Variants in ATP10B observed in about 807,000 individuals in gnomAD.
ATP10B encodes the protein phospholipid-transporting ATPase VB.
Under a neutral mutation model 141.2 loss-of-function variants are expected in ATP10B, and 122 were observed. That is an observed-to-expected ratio of 0.86 (90% CI 0.75 to 1.00). The LOEUF (loss-of-function observed/expected upper bound fraction) is 1.00. ATP10B is among the 50% of genes least tolerant of loss of function. The probability of loss-of-function intolerance (pLI) is 0.00; values close to 1 mark genes in which losing one functional copy is unlikely to be tolerated. For missense variants in ATP10B, 1,876 were observed against 1,825.3 expected (o/e 1.03, Z -0.51); for synonymous variants, 685 against 692.0 (o/e 0.99, Z 0.16).
the ATP10B span, among the ~76,000 whole-genome samples, chr5:160,920,480 T>A: frequency 6.6e-6 from 1 of 152,388 alleles, no homozygotes; most frequent in East Asian, 1.9e-4. Flanking sequence ...ATGGTCATTC[T>A]GGGCAGCGCT....
intron 1 of ATP10B, among the ~76,000 whole-genome samples, chr5:160,831,110 GC>G (rs898404601): frequency 3.1e-4 from 4 of 12,854 alleles, no homozygotes; most frequent in Non-Finnish European, 2.0e-3. Flanking sequence ...CTTTCAACAC[GC>G]TTTTTTTTTT....
At chr5:160,659,069 G>A (rs777327155) in intron 7 of ATP10B, among the ~76,000 whole-genome samples, 10 of 152,146 alleles carry the variant, frequency 6.6e-5, no homozygotes, top group Non-Finnish European at 1.0e-4. Context: ...ATGTAAATAC[G>A]TTGTCTTGGG....
chr5:160,607,073 G>C lies in ATP10B; in HGVS notation c.2852C>G (p.Ser951Cys). 6.2e-7 allele frequency: 1 copy of C among 1,612,196 alleles called. No homozygotes were observed. The highest frequency in any genetic ancestry group is 8.5e-7 in the Non-Finnish European group (1 of 1,178,494). Reference protein sequence around the residue: ...INTENQETCESILNCALEELK... With the variant: ...INTENQETCECILNCALEELK... ...CTCTTCCAATGCACAATTGAGGATG[G>C]ATTCACAGGTCTCCTATAAAGAAGC... Residue 951 changes from serine to cysteine, a missense_variant, in exon 19 of 26, where the codon TCC becomes TGC. Physicochemically the swap from Ser to Cys is moderately radical, Grantham distance 112 (BLOSUM62 -1). Transcript: ENST00000327245.
chr5:160,775,746 T>TCTCGGCTCGCTGCAAG (rs1476146242), intron 2 of ATP10B, among the ~76,000 whole-genome samples: 1 of 148,448 alleles, frequency 6.7e-6, no homozygotes, highest in African/African-American at 2.5e-5. Flanking sequence ...AGTGGCGCGA[T>TCTCGGCTCGCTGCAAG]CTCGGCTCGC....
chr5:160,594,341 G>C (rs1412139992), intron 22 of ATP10B, among the ~76,000 whole-genome samples: 1 of 152,148 alleles, frequency 6.6e-6, no homozygotes, highest in Non-Finnish European at 1.5e-5. Context: ...CAAATGCTGA[G>C]AGATTTTGTC....
intron 1 of ATP10B, among the ~76,000 whole-genome samples, chr5:160,819,536 T>C: frequency 6.6e-6 from 1 of 152,182 alleles, no homozygotes; most frequent in East Asian, 1.9e-4. Flanking sequence ...CAGCATATTA[T>C]AACAGTGTAA....
the ATP10B span, among the ~76,000 whole-genome samples, chr5:160,892,917 G>A: frequency 6.6e-6 from 1 of 152,182 alleles, no homozygotes; most frequent in African/African-American, 2.4e-5. Context: ...AGGGTGAGAT[G>A]TCATGTAACC....
At chr5:160,680,278 A>C (rs1015458344) in intron 6 of ATP10B, among the ~76,000 whole-genome samples, 4 of 151,440 alleles carry the variant, frequency 2.6e-5, no homozygotes, top group African/African-American at 9.7e-5. Context: ...ATGAGATGTA[A>C]TTTCTTATGT....
the ATP10B span, among the ~76,000 whole-genome samples, chr5:160,866,360 A>G: frequency 2.0e-5 from 3 of 152,138 alleles, no homozygotes; most frequent in Non-Finnish European, 4.4e-5. Context: ...GAGCTAAGCT[A>G]TGGGATGCAA....
At chr5:160,675,165 C>T (rs2127731451) in intron 6 of ATP10B, among the ~76,000 whole-genome samples, 1 of 152,278 alleles carries the variant, frequency 6.6e-6, no homozygotes, top group South Asian at 2.1e-4. Context: ...CTCATTAATC[C>T]AGCCTGTTTC....
chr5:160,736,295 A>G (rs1470459921), intron 2 of ATP10B, among the ~76,000 whole-genome samples: 1 of 152,250 alleles, frequency 6.6e-6, no homozygotes, highest in Non-Finnish European at 1.5e-5. Flanking sequence ...CAACTGTTAC[A>G]GAAATTCAAA....
chr5:160,781,760 T>C (rs1770727776), intron 2 of ATP10B, among the ~76,000 whole-genome samples: 1 of 152,138 alleles, frequency 6.6e-6, no homozygotes, highest in South Asian at 2.1e-4. Flanking sequence ...TTTTCATAAT[T>C]GCACAGCAAC....
At chr5:160,576,500 G>A (rs1422444919) in intron 24 of ATP10B, among the ~76,000 whole-genome samples, 3 of 152,160 alleles carry the variant, frequency 2.0e-5, no homozygotes, top group Non-Finnish European at 4.4e-5. Context: ...AGGAAAGGGA[G>A]CTGGAAGCAG....
rs148357265 is a variant in ATP10B at position 160,762,488 on chromosome 5, C to T, written c.-331+23071G>A. On this transcript the variant is annotated intron_variant, in intron 2 of 25. Transcript: ENST00000327245. Reference sequence around the variant, plus strand: ...CTTTATAAATAAAGGAGAGATAACACCTTTTTAAAATAAACAAATGCTGAG... The same window carrying T: ...CTTTATAAATAAAGGAGAGATAACATCTTTTTAAAATAAACAAATGCTGAG... Among the ~76,000 whole-genome samples the T allele has an allele frequency of 1.9e-3, 289 of 152,174 alleles. 5 individuals are homozygous for T. The highest frequency in any genetic ancestry group is 6.7e-3 in the African/African-American group (279 of 41,542).
chr5:160,821,024 A>G (rs1038699735), intron 1 of ATP10B, among the ~76,000 whole-genome samples: 1 of 152,084 alleles, frequency 6.6e-6, no homozygotes, highest in African/African-American at 2.4e-5. Flanking sequence ...GCAATCAGAC[A>G]AGGGAAAGAA....
chr5:160,859,182 A>G, the ATP10B span, among the ~76,000 whole-genome samples: 108 of 151,914 alleles, frequency 7.1e-4, 2 homozygotes, highest in East Asian at 0.015. Flanking sequence ...TTGTTTTCAC[A>G]TATAGCATTG....
At chr5:160,715,188 G>A (rs1026967716) in intron 3 of ATP10B, among the ~76,000 whole-genome samples, 4 of 145,820 alleles carry the variant, frequency 2.7e-5, no homozygotes, top group African/African-American at 1.0e-4. Flanking sequence ...GCAAGCCTGG[G>A]CAATGGCGGG....
At chr5:160,906,891 G>A in the ATP10B span, among the ~76,000 whole-genome samples, 1 of 152,176 alleles carries the variant, frequency 6.6e-6, no homozygotes, top group Non-Finnish European at 1.5e-5. Context: ...TGTATCAACT[G>A]GCTGCTTCCC....
At chr5:160,919,000 C>G in the ATP10B span, among the ~76,000 whole-genome samples, 2 of 150,954 alleles carry the variant, frequency 1.3e-5, no homozygotes, top group African/African-American at 2.4e-5. Flanking sequence ...CCGAGATGGG[C>G]GGATCACGAG....
Sources: allele counts gnomAD v4.1 joint callset (sites outside exome capture counted in the v4.1 genomes callset), GRCh38; gene constraint gnomAD v4.1.1; transcripts MANE v1.5; gene names NCBI Gene and HGNC (gene_info 2026-07-23, HGNC 2026-07-21).